UNC13C: variants seen among roughly 807,000 people sequenced by gnomAD.
UNC13C encodes the protein unc-13 homolog C, also known as protein unc-13 homolog C.
UNC13C carries 174 observed loss-of-function variants against 245.4 expected under a neutral mutation model. The observed-to-expected ratio is 0.71, with a 90% CI of 0.63 to 0.80. The LOEUF is 0.80. Among genes scored for constraint, UNC13C ranks in the 30% least tolerant of loss-of-function variants. The probability of loss-of-function intolerance (pLI) is 0.00; values close to 1 mark genes in which losing one functional copy is unlikely to be tolerated. For missense variants in UNC13C, 2,829 were observed against 2,602.9 expected (o/e 1.09, Z -1.89); for synonymous variants, 992 against 895.1 (o/e 1.11, Z -1.93).
intron 4 of UNC13C, among the ~76,000 whole-genome samples, chr15:54,152,288 A>T (rs981792896): frequency 7.9e-5 from 12 of 152,326 alleles, no homozygotes; most frequent in Non-Finnish European, 1.3e-4. Flanking sequence ...AGCGGGGCCA[A>T]TCCAGCCTCA....
chr15:54,090,511 T>C (rs1349696426), intron 2 of UNC13C, among the ~76,000 whole-genome samples: 1 of 152,196 alleles, frequency 6.6e-6, no homozygotes, highest in East Asian at 1.9e-4. Context: ...CAAGAAAAGT[T>C]AAGTGACTAC....
intron 18 of UNC13C, among the ~76,000 whole-genome samples, chr15:54,403,525 C>G (rs1005091480): frequency 3.3e-5 from 5 of 151,766 alleles, no homozygotes; most frequent in African/African-American, 1.2e-4. Flanking sequence ...AGTTTGAGAT[C>G]AGTACATAGT....
chr15:54,467,371 A>G (rs1168168119), intron 19 of UNC13C, among the ~76,000 whole-genome samples: 6 of 151,794 alleles, frequency 4.0e-5, no homozygotes, highest in East Asian at 1.9e-4. Context: ...GAGTGTAACT[A>G]GAGGACAGAG....
intron 10 of UNC13C, among the ~76,000 whole-genome samples, chr15:54,266,727 GTCAC>G (rs1211002984): frequency 6.6e-6 from 1 of 151,980 alleles, no homozygotes; most frequent in African/African-American, 2.4e-5. Flanking sequence ...TGTACCTCCT[GTCAC>G]TACAGACAAG....
intron 4 of UNC13C, among the ~76,000 whole-genome samples, chr15:54,166,841 TTAAA>T (rs1390750204): frequency 1.3e-5 from 2 of 152,162 alleles, no homozygotes; most frequent in African/African-American, 4.8e-5. Flanking sequence ...TAAAGATGAC[TTAAA>T]TAAACAAATT....
intron 1 of UNC13C, among the ~76,000 whole-genome samples, chr15:54,000,482 A>G (rs1402483140): frequency 6.6e-6 from 1 of 152,184 alleles, no homozygotes; most frequent in African/African-American, 2.4e-5. Context: ...ATAAATCTAT[A>G]GTTAATTTTA....
the UNC13C span, among the ~76,000 whole-genome samples, chr15:53,895,250 GT>G: frequency 6.9e-6 from 1 of 144,334 alleles, no homozygotes; most frequent in Non-Finnish European, 1.5e-5. Flanking sequence ...TGTAATCCCA[GT>G]TACTCTAGAT....
intron 13 of UNC13C, among the ~76,000 whole-genome samples, chr15:54,301,174 C>A (rs2037570288): frequency 6.6e-6 from 1 of 151,858 alleles, no homozygotes; most frequent in South Asian, 2.1e-4. Context: ...TTCATATTAA[C>A]AACAAGATCT....
At chr15:54,516,041 G>A (rs184533313) in intron 24 of UNC13C, among the ~76,000 whole-genome samples, 111 of 152,176 alleles carry the variant, frequency 7.3e-4, no homozygotes, top group Non-Finnish European at 1.4e-3. Context: ...TATCTATGTC[G>A]CTTTTAATTT....
intron 2 of UNC13C, among the ~76,000 whole-genome samples, chr15:54,137,432 C>T (rs991247819): frequency 1.3e-5 from 2 of 152,138 alleles, no homozygotes; most frequent in African/African-American, 4.8e-5. Flanking sequence ...AATCTTGGCA[C>T]ACAATGAAGC....
chr15:54,235,193 T>A, intron 5 of UNC13C, 85 bp downstream of exon 5: 1 of 1,138,614 alleles, frequency 8.8e-7, no homozygotes, highest in Non-Finnish European at 1.3e-6. Flanking sequence ...ATTCACTGTC[T>A]AGCCTGTAAA....
chr15:54,508,385 T>C (rs1192171623), intron 23 of UNC13C, among the ~76,000 whole-genome samples: 2 of 151,968 alleles, frequency 1.3e-5, no homozygotes, highest in African/African-American at 2.4e-5. Context: ...CCCTGCAGAG[T>C]TCCACTTTAT....
chr15:54,484,124 A>G (rs566860265), intron 19 of UNC13C, among the ~76,000 whole-genome samples: 1 of 123,600 alleles, frequency 8.1e-6, no homozygotes, highest in Non-Finnish European at 1.6e-5. Flanking sequence ...GATTAGCTAC[A>G]CAGTTTTCTC....
Position 54,483,891 on chromosome 15 carries a change from A to C in UNC13C, c.4934-10717A>C, listed in dbSNP as rs191998009. Among the ~76,000 whole-genome samples, 707 of 152,180 alleles carry C rather than the reference A, an allele frequency of 4.6e-3. 5 individuals carry two copies. The highest frequency in any genetic ancestry group is 7.5e-3 in the Non-Finnish European group (513 of 68,016). On this transcript the variant is annotated intron_variant, in intron 19 of 32. Coordinates refer to ENST00000260323, the MANE Select transcript of UNC13C (RefSeq NM_001080534.3). The stretch of plus-strand genomic sequence containing the variant: ...TTGTCTCCCTCTCACCTTTTTACCT[A>C]CCTTTTACCAACAGAAACACACATA...
At chr15:54,445,898 T>A (rs561125624) in intron 19 of UNC13C, among the ~76,000 whole-genome samples, 1 of 152,316 alleles carries the variant, frequency 6.6e-6, no homozygotes, top group Non-Finnish European at 1.5e-5. Context: ...ATTGCCTAGG[T>A]TTTCTTCTAG....
At chr15:54,594,544 A>G (rs1188883708) in intron 30 of UNC13C, among the ~76,000 whole-genome samples, 7 of 151,932 alleles carry the variant, frequency 4.6e-5, no homozygotes, top group Non-Finnish European at 8.8e-5. Flanking sequence ...AGGTCACTGA[A>G]GTTGTATACC....
chr15:53,851,088 G>T, the UNC13C span, among the ~76,000 whole-genome samples: 1 of 151,130 alleles, frequency 6.6e-6, no homozygotes, highest in Admixed American at 6.6e-5. Flanking sequence ...TTATATCCTT[G>T]AGCATATATA....
chr15:54,502,009 T>C (rs1034550222), intron 22 of UNC13C, among the ~76,000 whole-genome samples: 5 of 152,268 alleles, frequency 3.3e-5, no homozygotes, highest in African/African-American at 1.2e-4. Flanking sequence ...GCAGAACCTT[T>C]GGAGATTTTT....
At chr15:54,090,584 C>G (rs1309167578) in intron 2 of UNC13C, among the ~76,000 whole-genome samples, 1 of 152,172 alleles carries the variant, frequency 6.6e-6, no homozygotes, top group Non-Finnish European at 1.5e-5. Context: ...AGTTTATGCT[C>G]TTAACCAATT....
Sources: allele counts gnomAD v4.1 joint callset (sites outside exome capture counted in the v4.1 genomes callset), GRCh38; gene constraint gnomAD v4.1.1; transcripts MANE v1.5; gene names NCBI Gene and HGNC (gene_info 2026-07-23, HGNC 2026-07-21).